NCF2: variants seen among roughly 807,000 people sequenced by gnomAD.
The protein encoded by NCF2 is neutrophil cytosolic factor 2, also known as neutrophil cytosol factor 2.
NCF2 carries 45 observed loss-of-function variants against 70.9 expected under a neutral mutation model. That is an observed-to-expected ratio of 0.63 (90% CI 0.50 to 0.81). The LOEUF (loss-of-function observed/expected upper bound fraction) is 0.81. Ranked by LOEUF, NCF2 falls within the 40% of genes least tolerant of loss-of-function variation. NCF2 has a pLI of 0.00. For missense variants in NCF2, 522 were observed against 631.6 expected, an observed-to-expected ratio of 0.83 and a Z score of 1.86; for synonymous variants, 203 against 233.6, an observed-to-expected ratio of 0.87 and a Z score of 1.19.
Position 183,590,266 on chromosome 1 carries a change from A to T in NCF2, c.64T>A (p.Trp22Arg), listed in dbSNP as rs1673581250. 1 of 1,614,044 alleles carries T rather than the reference A, an allele frequency of 6.2e-7. No individual in the cohort carries two copies. Among genetic ancestry groups the T allele is most frequent in the African/African-American group, 1.3e-5 (1 of 74,916 alleles). ...EGVLAADKKD[W>R]KGALDAFSAV... The stretch of plus-strand genomic sequence containing the variant: ...CTGAAGGCATCCAGGGCTCCCTTCC[A>T]GTCCTTCTTGTCCGCTGCCAGCACC... Residue 22 changes from tryptophan (W) to arginine (R), a missense_variant, in exon 1 of 15, where the codon TGG (tryptophan) becomes AGG (arginine). Trp to Arg is a moderately radical substitution (Grantham distance 101). Coordinates refer to ENST00000367535, the MANE Select transcript of NCF2 (RefSeq NM_000433.4).
At chr1:183,579,464 C>T (rs528011813) in intron 2 of NCF2, among the ~76,000 whole-genome samples, 3 of 152,088 alleles carry the variant, frequency 2.0e-5, no homozygotes, top group South Asian at 2.1e-4. Context: ...CAGTGGCTCA[C>T]GCCTGAAATC....
chr1:183,579,999 A>G (rs926875902), intron 2 of NCF2, among the ~76,000 whole-genome samples: 2 of 152,200 alleles, frequency 1.3e-5, no homozygotes, highest in South Asian at 2.1e-4. Flanking sequence ...TTAAAAATAC[A>G]TGGCATAGAA....
At chr1:183,591,611 TA>T (rs973164539), upstream of NCF2, among the ~76,000 whole-genome samples, 11 of 151,752 alleles carry the variant, frequency 7.2e-5, no homozygotes, top group African/African-American at 2.2e-4. Context: ...GCCTCCTGAG[TA>T]GCTGGGATTA....
chr1:183,569,279 C>T, intron 6 of NCF2, 94 bp from the exon 7 acceptor site: 1 of 1,167,386 alleles, frequency 8.6e-7, no homozygotes. Context: ...GAGCATTCTT[C>T]CAGACCAGAA....
intron 5 of NCF2, 138 bp downstream of exon 5, chr1:183,573,047 T>C: frequency 1.2e-6 from 1 of 815,870 alleles, no homozygotes; most frequent in Non-Finnish European, 2.2e-6. Context: ...CAAACCTCTG[T>C]CCTATAAACA....
chr1:183,585,624 C>CA (rs750881920), intron 2 of NCF2, among the ~76,000 whole-genome samples: 67 of 114,514 alleles, frequency 5.9e-4, no homozygotes, highest in East Asian at 6.4e-4. Flanking sequence ...AACTCCGTCT[C>CA]AAAAAAAAAA....
intron 2 of NCF2, among the ~76,000 whole-genome samples, chr1:183,579,087 A>G (rs1368951066): frequency 4.6e-5 from 7 of 152,172 alleles, no homozygotes; most frequent in African/African-American, 1.7e-4. Context: ...TCTCTTGGAG[A>G]TAAGCCTGGA....
the NCF2 span, among the ~76,000 whole-genome samples, chr1:183,597,218 G>A: frequency 6.6e-6 from 1 of 152,156 alleles, no homozygotes; most frequent in South Asian, 2.1e-4. Context: ...ATGCAATCTA[G>A]TCATAGAGCC....
At chr1:183,589,052 G>A (rs1354087806) in intron 1 of NCF2, among the ~76,000 whole-genome samples, 4 of 152,244 alleles carry the variant, frequency 2.6e-5, no homozygotes, top group African/African-American at 9.6e-5. Flanking sequence ...TCCAGCCAGA[G>A]GTGGGGGGTC....
At position 183,556,085 on chromosome 1, in the gene NCF2, C is replaced by A; in HGVS notation, c.*33G>T. On this transcript the variant is annotated 3_prime_UTR_variant, in exon 15 of 15. Transcript: ENST00000367535. ...ATCTTACAAACAAGTAATAGGGCTT[C>A]ATTTTCTTCAGCTTTGTAGTTTGTG... is the stretch of plus-strand genomic sequence containing the variant. 6.4e-7 allele frequency: 1 copy of A among 1,560,844 alleles called. No individual in the cohort carries two copies. The highest frequency in any genetic ancestry group is 8.8e-7 in the Non-Finnish European group (1 of 1,131,368).
intron 2 of NCF2, among the ~76,000 whole-genome samples, chr1:183,585,278 C>T (rs1168721140): frequency 5.3e-5 from 8 of 152,102 alleles, no homozygotes; most frequent in African/African-American, 1.7e-4. Flanking sequence ...CATCCACGCC[C>T]GGCCTCACCC....
Position 183,573,303 on chromosome 1 carries a change from G to C in NCF2, c.502-11C>G. 1 of 1,611,566 alleles carries C rather than the reference G, an allele frequency of 6.2e-7. No homozygotes were observed. Among genetic ancestry groups the C allele is most frequent in the Admixed American group, 1.7e-5 (1 of 60,020 alleles). ...ATATAGCTTCTGCTTCTGTAACACA[G>C]AAAACGTAGCATTCCCTTATGTGAA... On this transcript the variant is annotated splice_polypyrimidine_tract_variant and intron_variant, in intron 4 of 14. Coordinates refer to ENST00000367535, the MANE Select transcript of NCF2 (RefSeq NM_000433.4).
At chr1:183,560,037 C>A in intron 14 of NCF2, 59 bp downstream of exon 14, 1 of 1,550,850 alleles carries the variant, frequency 6.4e-7, no homozygotes, top group Non-Finnish European at 8.9e-7. Context: ...TCTCTCTGCC[C>A]TTGACCTTGT....
intron 14 of NCF2, 131 bp downstream of exon 14, chr1:183,559,965 A>G (rs1671968761): frequency 3.1e-6 from 3 of 974,282 alleles, no homozygotes; most frequent in East Asian, 2.4e-5. Context: ...CTCCAGCTAG[A>G]TGCTAGGAAG....
At chr1:183,575,322 T>G (rs1288734723) in intron 3 of NCF2, among the ~76,000 whole-genome samples, 1 of 152,140 alleles carries the variant, frequency 6.6e-6, no homozygotes, top group Non-Finnish European at 1.5e-5. Flanking sequence ...ATACAAAAAT[T>G]AGCTGGGCAT....
At chr1:183,580,993 G>T (rs1186467985) in intron 2 of NCF2, among the ~76,000 whole-genome samples, 1 of 129,926 alleles carries the variant, frequency 7.7e-6, no homozygotes, top group Non-Finnish European at 1.7e-5. Flanking sequence ...AAAAAAAAAA[G>T]GTGTCTACAG....
chr1:183,574,235 C>T lies in NCF2; in HGVS notation c.501+252G>A, dbSNP rs1672696687. ...CAGCACTGCTCCAGCATCCAATATC[C>T]TGTTCTCCTGCATTGCCAAGGAGCC... On this transcript the variant is annotated intron_variant, in intron 4 of 14. Transcript: ENST00000367535. Among the ~76,000 whole-genome samples, 3 of 152,334 alleles carry T rather than the reference C, an allele frequency of 2.0e-5. No individual in the cohort carries two copies. In the South Asian group the frequency reaches 6.2e-4, roughly 32 times the overall value.
At chr1:183,570,867 G>A in intron 5 of NCF2, 28 bp from the exon 6 acceptor site, 1 of 1,610,470 alleles carries the variant, frequency 6.2e-7, no homozygotes. Flanking sequence ...AGGGTGTGAG[G>A]CTCTGCCAGC....
chr1:183,560,934 T>C (rs1257194187), intron 13 of NCF2, among the ~76,000 whole-genome samples: 1 of 152,230 alleles, frequency 6.6e-6, no homozygotes, highest in East Asian at 1.9e-4. Flanking sequence ...ACAGCAACAC[T>C]AGGGACCTTG....
Sources: allele counts gnomAD v4.1 joint callset (sites outside exome capture counted in the v4.1 genomes callset), GRCh38; gene constraint gnomAD v4.1.1; transcripts MANE v1.5; gene names NCBI Gene and HGNC (gene_info 2026-07-23, HGNC 2026-07-21).